TACR1: variants seen among roughly 807,000 people sequenced by gnomAD.
TACR1 encodes the protein tachykinin receptor 1.
In TACR1, 25 loss-of-function variants were observed where a neutral mutation model predicts 35.8. The ratio of observed to expected loss-of-function variants is 0.70; its 90% CI spans 0.51 to 0.98. TACR1 has a LOEUF of 0.98. TACR1 is among the 50% of genes least tolerant of loss of function. The pLI, the probability that TACR1 is intolerant of heterozygous loss-of-function variation, is 0.00. For synonymous variants in TACR1, 195 were observed against 206.7 expected (o/e 0.94, Z 0.48); for missense variants, 478 against 522.9 (o/e 0.91, Z 0.84).
intron 1 of TACR1, among the ~76,000 whole-genome samples, chr2:75,130,879 G>T (rs1326155007): frequency 2.6e-5 from 4 of 152,244 alleles, no homozygotes; most frequent in East Asian, 3.9e-4. Context: ...ATGACTTCTC[G>T]CTTAGATTAA....
At chr2:75,186,247 C>T (rs1675694307) in intron 1 of TACR1, among the ~76,000 whole-genome samples, 1 of 151,684 alleles carries the variant, frequency 6.6e-6, no homozygotes, top group Admixed American at 6.6e-5. Flanking sequence ...TGGCTCGCGC[C>T]TGTAATCCCA....
At chr2:75,162,878 A>G (rs1212863410) in intron 1 of TACR1, among the ~76,000 whole-genome samples, 1 of 152,208 alleles carries the variant, frequency 6.6e-6, no homozygotes, top group Non-Finnish European at 1.5e-5. Flanking sequence ...ATACTTGAGT[A>G]TGAAGAACTA....
intron 2 of TACR1, among the ~76,000 whole-genome samples, chr2:75,079,039 T>G (rs1440980516): frequency 6.6e-6 from 1 of 152,182 alleles, no homozygotes; most frequent in East Asian, 1.9e-4. Context: ...GTCCTACCAG[T>G]GCTGGGGAGC....
intron 2 of TACR1, among the ~76,000 whole-genome samples, chr2:75,115,584 T>C (rs554459021): frequency 6.6e-6 from 1 of 152,114 alleles, no homozygotes; most frequent in South Asian, 2.1e-4. Flanking sequence ...AATAATAGCA[T>C]ACATTCAAAA....
At chr2:75,141,820 C>A (rs1674413986) in intron 1 of TACR1, among the ~76,000 whole-genome samples, 1 of 152,082 alleles carries the variant, frequency 6.6e-6, no homozygotes, top group Admixed American at 6.5e-5. Context: ...GTTTTTCATA[C>A]CTGGGACTGG....
intron 1 of TACR1, among the ~76,000 whole-genome samples, chr2:75,177,439 C>A (rs973848592): frequency 3.3e-5 from 5 of 152,192 alleles, no homozygotes; most frequent in African/African-American, 1.2e-4. Flanking sequence ...AAATCATTAT[C>A]TGGACTTTGT....
At chr2:75,145,229 A>C (rs1425102003) in intron 1 of TACR1, among the ~76,000 whole-genome samples, 1 of 152,160 alleles carries the variant, frequency 6.6e-6, no homozygotes, top group Non-Finnish European at 1.5e-5. Flanking sequence ...AAATAGAATA[A>C]TATGTCTTTA....
chr2:75,199,079 G>T lies in TACR1; in HGVS notation c.-145C>A. On this transcript the variant is annotated 5_prime_UTR_variant, in exon 1 of 5. Coordinates refer to ENST00000305249, the MANE Select transcript of TACR1 (RefSeq NM_001058.4). ...TTTCTGGGCAGCACTCTTTTTGAAAGCTGAACTGGCGCTCAGAATATAAAC... is the reference window on the plus strand; with the variant it reads ...TTTCTGGGCAGCACTCTTTTTGAAATCTGAACTGGCGCTCAGAATATAAAC... The T allele has an allele frequency of 1.0e-6, 1 of 1,003,736 alleles. No individual in the cohort carries two copies. The highest frequency in any genetic ancestry group is 1.4e-6 in the Non-Finnish European group (1 of 696,488). The allele number at this position is 1,003,736 out of a possible 1,614,324, so 62.2% of individuals were successfully genotyped here. A position where few individuals can be genotyped will look rare whatever the true frequency, so the allele number is the denominator to read the frequency against.
chr2:75,126,028 T>G (rs935455826), intron 1 of TACR1, among the ~76,000 whole-genome samples: 10 of 152,194 alleles, frequency 6.6e-5, no homozygotes, highest in African/African-American at 2.4e-4. Context: ...ATGACCCATA[T>G]TAAGCTAGTA....
intron 1 of TACR1, among the ~76,000 whole-genome samples, chr2:75,133,889 C>T (rs1674226923): frequency 6.6e-6 from 1 of 152,134 alleles, no homozygotes; most frequent in Admixed American, 6.5e-5. Flanking sequence ...TAAGACCTTG[C>T]TGATAAAACA....
intron 1 of TACR1, 85 bp downstream of exon 1, chr2:75,198,461 C>A: frequency 2.0e-6 from 3 of 1,513,058 alleles, no homozygotes; most frequent in South Asian, 2.5e-5. Flanking sequence ...CCACTTGACC[C>A]ATACCCCACC....
At chr2:75,190,660 C>T (rs2104080448) in intron 1 of TACR1, among the ~76,000 whole-genome samples, 1 of 152,232 alleles carries the variant, frequency 6.6e-6, no homozygotes, top group South Asian at 2.1e-4. Flanking sequence ...TCTCTTCTTA[C>T]CTTCTACAAG....
At chr2:75,105,874 C>T (rs1177859686) in intron 2 of TACR1, among the ~76,000 whole-genome samples, 1 of 151,852 alleles carries the variant, frequency 6.6e-6, no homozygotes. Flanking sequence ...TCAAAGACAT[C>T]ACAAACAAGG....
At chr2:75,183,459 T>A (rs1316509413) in intron 1 of TACR1, among the ~76,000 whole-genome samples, 1 of 152,228 alleles carries the variant, frequency 6.6e-6, no homozygotes, top group African/African-American at 2.4e-5. Context: ...TTGTCAAATG[T>A]CTTACAAAAT....
intron 1 of TACR1, among the ~76,000 whole-genome samples, chr2:75,172,628 G>T (rs1675316988): frequency 6.6e-6 from 1 of 151,962 alleles, no homozygotes; most frequent in Admixed American, 6.5e-5. Context: ...GCTCTTAAGT[G>T]GGAAAGAGAA....
At chr2:75,174,115 G>T (rs1675356613) in intron 1 of TACR1, among the ~76,000 whole-genome samples, 1 of 152,062 alleles carries the variant, frequency 6.6e-6, no homozygotes. Flanking sequence ...TGAATTCTGT[G>T]GTCCTTTCTC....
chr2:75,164,340 A>C (rs550844865), intron 1 of TACR1, among the ~76,000 whole-genome samples: 9 of 151,640 alleles, frequency 5.9e-5, no homozygotes, highest in Admixed American at 5.3e-4. Context: ...AAAAAAAAAA[A>C]GAAAAAGCAG....
chr2:75,170,366 G>C (rs1272503479), intron 1 of TACR1, among the ~76,000 whole-genome samples: 1 of 152,206 alleles, frequency 6.6e-6, no homozygotes, highest in Non-Finnish European at 1.5e-5. Context: ...GGCCTCCCTA[G>C]CCATGTGGAA....
intron 1 of TACR1, among the ~76,000 whole-genome samples, chr2:75,147,746 C>CTTTTTTTT (rs36067244): frequency 6.9e-6 from 1 of 145,056 alleles, no homozygotes. Flanking sequence ...GATCTCATTC[C>CTTTTTTTT]TTTTTTTTTT....
Sources: allele counts gnomAD v4.1 joint callset (sites outside exome capture counted in the v4.1 genomes callset), GRCh38; gene constraint gnomAD v4.1.1; transcripts MANE v1.5; gene names NCBI Gene and HGNC (gene_info 2026-07-23, HGNC 2026-07-21).